NAV2: variants seen among roughly 807,000 people sequenced by gnomAD.
NAV2 encodes helicase, APC down-regulated 1.
A neutral mutation model predicts 223.2 loss-of-function variants in NAV2; 54 were observed. That is an observed-to-expected ratio of 0.24 (90% CI 0.19 to 0.30). NAV2 has a LOEUF of 0.30. Among genes scored for constraint, NAV2 ranks in the 10% least tolerant of loss-of-function variants. NAV2 has a pLI of 1.00. For synonymous variants in NAV2, 1,279 were observed against 1,239.3 expected (o/e 1.03, Z -0.67); for missense variants, 2,806 against 3,147.5 (o/e 0.89, Z 2.60).
At chr11:19,762,813 C>T (rs1276197467) in intron 1 of NAV2, among the ~76,000 whole-genome samples, 4 of 151,980 alleles carry the variant, frequency 2.6e-5, no homozygotes, top group Admixed American at 6.6e-5. Flanking sequence ...GGGGTTTCAC[C>T]ATGTTAGCCA....
At chr11:19,555,767 G>A (rs569293493) in intron 1 of NAV2, among the ~76,000 whole-genome samples, 1 of 152,108 alleles carries the variant, frequency 6.6e-6, no homozygotes, top group Non-Finnish European at 1.5e-5. Flanking sequence ...AGGAACAATA[G>A]TGAATTTCTC....
At position 19,703,057 on chromosome 11, in the gene NAV2, G is replaced by A. The variant is rs556357364; in HGVS notation, c.76-129427G>A. 8.8e-3 allele frequency among the ~76,000 whole-genome samples: 1,322 copies of A among 151,042 alleles called. 10 individuals are homozygous for A. The highest frequency in any genetic ancestry group is 0.031 in the African/African-American group (1,266 of 41,206). On this transcript the variant is annotated intron_variant, in intron 1 of 37. Transcript: ENST00000360655. ...TCTTTATAAACATGTTTATTTATAC[G>A]TATGTACACACACATAAATATATTA...
intron 11 of NAV2, among the ~76,000 whole-genome samples, chr11:20,014,096 C>T (rs1024489045): frequency 6.6e-6 from 1 of 152,200 alleles, no homozygotes; most frequent in Non-Finnish European, 1.5e-5. Context: ...GAGTCCCCAA[C>T]TGTTGGCTTA....
chr11:19,985,409 C>T (rs2050693665), intron 11 of NAV2, among the ~76,000 whole-genome samples: 1 of 152,124 alleles, frequency 6.6e-6, no homozygotes, highest in African/African-American at 2.4e-5. Context: ...CCCCCCAGTG[C>T]CCAGGCTTGT....
chr11:20,087,400 C>T (rs1349415813), intron 26 of NAV2, among the ~76,000 whole-genome samples: 6 of 152,138 alleles, frequency 3.9e-5, no homozygotes, highest in Admixed American at 2.0e-4. Flanking sequence ...AGAGCAAATG[C>T]TTGTTTCCAA....
At chr11:19,752,246 C>A (rs1590310753) in intron 1 of NAV2, among the ~76,000 whole-genome samples, 4 of 152,156 alleles carry the variant, frequency 2.6e-5, no homozygotes, top group Non-Finnish European at 5.9e-5. Context: ...ACTCAGGGAA[C>A]AGCCAGCAAT....
chr11:19,975,712 C>T (rs79076489), intron 10 of NAV2, among the ~76,000 whole-genome samples: 5,724 of 152,218 alleles, frequency 0.038, 336 homozygotes, highest in African/African-American at 0.13. Context: ...TGAGCCACTG[C>T]GGAATTGGTT....
chr11:19,567,834 GTT>G (rs1491368945), intron 1 of NAV2, among the ~76,000 whole-genome samples: 9 of 152,260 alleles, frequency 5.9e-5, no homozygotes, highest in Non-Finnish European at 1.2e-4. Context: ...TCATGCTCAG[GTT>G]AAAGTTCCTC....
In NAV2 at chr11:19,679,430, C is replaced by CAAAAA. The variant is rs56384242; in HGVS notation, c.76-153051_76-153047dup. On this transcript the variant is annotated intron_variant, in intron 1 of 37. Coordinates refer to the NAV2 transcript ENST00000360655. ...TGGGCAACAGAACGAGACTCTGTCT[C>CAAAAA]AAAAAAACACAAAAAGATTTGGGGG... is the stretch of plus-strand genomic sequence containing the variant. Among the ~76,000 whole-genome samples, 34 of 114,106 alleles carry CAAAAA rather than the reference C, an allele frequency of 3.0e-4. 6 individuals are homozygous for CAAAAA. The highest frequency in any genetic ancestry group is 3.0e-4 in the African/African-American group (11 of 36,176). The allele number at this position is 114,106 out of a possible 152,430, so 74.9% of individuals were successfully genotyped here. A position where few individuals can be genotyped will look rare whatever the true frequency, so the allele number is the denominator to read the frequency against.
intron 1 of NAV2, among the ~76,000 whole-genome samples, chr11:19,751,447 G>C (rs1284140672): frequency 1.3e-5 from 2 of 152,174 alleles, no homozygotes; most frequent in Non-Finnish European, 2.9e-5. Flanking sequence ...CCGCCAGCTA[G>C]AGAAGGATGC....
At chr11:19,913,940 C>T (rs1477057294) in intron 6 of NAV2, among the ~76,000 whole-genome samples, 7 of 152,158 alleles carry the variant, frequency 4.6e-5, no homozygotes, top group Non-Finnish European at 8.8e-5. Flanking sequence ...AGGCTTGATC[C>T]GTGGAAACTG....
At position 19,651,486 on chromosome 11, in the gene NAV2, G is replaced by A. The variant is rs995335393; in HGVS notation, c.76-180998G>A. On this transcript the variant is annotated intron_variant, in intron 1 of 37. Coordinates refer to the NAV2 transcript ENST00000360655. ...AATGTCCTTCACTGCACACCCCACC[G>A]GGCCACATGGCTGCAGAGGTGCCCA... Among the ~76,000 whole-genome samples, 7 of 152,254 alleles carry A rather than the reference G, an allele frequency of 4.6e-5. No homozygotes were observed. In the East Asian group the frequency reaches 7.7e-4, roughly 17 times the overall value.
At chr11:19,950,886 G>A (rs751929617) in intron 10 of NAV2, among the ~76,000 whole-genome samples, 10 of 151,990 alleles carry the variant, frequency 6.6e-5, no homozygotes, top group Non-Finnish European at 1.2e-4. Flanking sequence ...GTAGAAATAT[G>A]ATTGGGCAAA....
At chr11:20,066,114 G>A (rs1284613359) in intron 20 of NAV2, among the ~76,000 whole-genome samples, 1 of 152,218 alleles carries the variant, frequency 6.6e-6, no homozygotes, top group African/African-American at 2.4e-5. Flanking sequence ...AATAATGAAT[G>A]TAAAGTGCTT....
At chr11:19,366,959 T>C (rs1848305966) in intron 1 of NAV2, among the ~76,000 whole-genome samples, 1 of 152,226 alleles carries the variant, frequency 6.6e-6, no homozygotes, top group Non-Finnish European at 1.5e-5. Flanking sequence ...GTTTAGTGAC[T>C]GTTGAGAGCA....
chr11:19,465,222 G>A (rs1049960088), intron 1 of NAV2, among the ~76,000 whole-genome samples: 7 of 152,086 alleles, frequency 4.6e-5, no homozygotes, highest in African/African-American at 1.2e-4. Context: ...AGGTTGTGTC[G>A]GCGTGGATGG....
At chr11:19,605,858 T>C (rs1213609795) in intron 1 of NAV2, among the ~76,000 whole-genome samples, 2 of 152,178 alleles carry the variant, frequency 1.3e-5, no homozygotes, top group African/African-American at 4.8e-5. Flanking sequence ...GGTTGTGTTG[T>C]TTCCCTGGGA....
intron 10 of NAV2, among the ~76,000 whole-genome samples, chr11:19,954,895 G>GTA (rs959017960): frequency 5.0e-5 from 7 of 140,394 alleles, no homozygotes; most frequent in African/African-American, 1.4e-4. Flanking sequence ...GTATGTATGT[G>GTA]TATATATATG....
At chr11:19,477,711 C>T (rs2042160890) in intron 1 of NAV2, among the ~76,000 whole-genome samples, 1 of 152,178 alleles carries the variant, frequency 6.6e-6, no homozygotes, top group South Asian at 2.1e-4. Context: ...CTGAGACTTC[C>T]TTTCATGTAC....
Sources: gnomAD v4.1 joint callset for allele counts (sites outside exome capture counted in the v4.1 genomes callset) on GRCh38, gnomAD v4.1.1 for gene constraint, MANE v1.5 for transcripts, NCBI Gene and HGNC (gene_info 2026-07-23, HGNC 2026-07-21) for gene names.